Variants in SENP7 observed in about 807,000 individuals in gnomAD.
SENP7 encodes sentrin-specific protease 7.
In SENP7, 64 loss-of-function variants were observed where a neutral mutation model predicts 141.2. The observed-to-expected ratio is 0.45, with a 90% CI of 0.37 to 0.56. The LOEUF is 0.56. SENP7 is among the 20% of genes least tolerant of loss of function. The pLI is 0.00. For synonymous variants in SENP7, 382 were observed against 426.4 expected, an observed-to-expected ratio of 0.90 and a Z score of 1.28; for missense variants, 1,025 against 1,212.2, an observed-to-expected ratio of 0.85 and a Z score of 2.29.
intron 3 of SENP7, among the ~76,000 whole-genome samples, chr3:101,464,989 A>G (rs2063712383): frequency 6.6e-6 from 1 of 152,214 alleles, no homozygotes; most frequent in Non-Finnish European, 1.5e-5. Context: ...CAAAAAACTT[A>G]AAGTGGCCCA....
At position 101,423,331 on chromosome 3, in the gene SENP7, G is replaced by A. The variant is rs2061846685; in HGVS notation, c.285-5541C>T. Reference sequence around the variant, plus strand: ...CAACATCATCAGTCATCAAGGAAATGCAATTAAAACCACAAAGAGATACTG... The same window carrying A: ...CAACATCATCAGTCATCAAGGAAATACAATTAAAACCACAAAGAGATACTG... On this transcript the variant is annotated intron_variant, in intron 4 of 23. Coordinates refer to ENST00000394095, the MANE Select transcript of SENP7 (RefSeq NM_020654.5). Among the ~76,000 whole-genome samples the A allele has an allele frequency of 2.0e-5, 3 of 152,256 alleles. No individual in the cohort carries two copies. In the East Asian group the frequency reaches 5.8e-4, roughly 29 times the overall value.
intron 14 of SENP7, among the ~76,000 whole-genome samples, chr3:101,342,674 C>A (rs544167652): frequency 6.6e-6 from 1 of 151,306 alleles, no homozygotes; most frequent in South Asian, 2.1e-4. Context: ...GACCTTAGTA[C>A]CTTTTTTTTT....
chr3:101,433,954 G>A (rs764391823), intron 4 of SENP7, among the ~76,000 whole-genome samples: 3 of 141,592 alleles, frequency 2.1e-5, no homozygotes, highest in South Asian at 4.7e-4. Flanking sequence ...ACATTTATAG[G>A]CCATTTCATC....
chr3:101,512,963 G>C, intron 1 of SENP7, 128 bp downstream of exon 1: 1 of 1,010,062 alleles, frequency 9.9e-7, no homozygotes, highest in Non-Finnish European at 1.6e-6. Context: ...CATTGTGCGC[G>C]CCCCTTCCTC....
intron 4 of SENP7, among the ~76,000 whole-genome samples, chr3:101,422,015 T>C (rs34407049): frequency 0.4 from 60,691 of 151,982 alleles, 12,606 homozygotes; most frequent in Admixed American, 0.54. Context: ...CAGTCTGTGG[T>C]CTGTTAGGAA....
chr3:101,371,734 T>C (rs1041864996), intron 7 of SENP7, among the ~76,000 whole-genome samples: 2 of 151,986 alleles, frequency 1.3e-5, no homozygotes, highest in Non-Finnish European at 2.9e-5. Context: ...TAGAAACAGC[T>C]AAATGAACAT....
At chr3:101,467,896 TAACA>T (rs1048691951) in intron 3 of SENP7, among the ~76,000 whole-genome samples, 2 of 152,054 alleles carry the variant, frequency 1.3e-5, no homozygotes, top group African/African-American at 4.8e-5. Context: ...AGATCAGTAA[TAACA>T]AACTATTCCA....
At chr3:101,495,256 G>A (rs2065118465) in intron 2 of SENP7, among the ~76,000 whole-genome samples, 1 of 152,058 alleles carries the variant, frequency 6.6e-6, no homozygotes, top group Non-Finnish European at 1.5e-5. Context: ...AACAACAGAT[G>A]CTGGCAATGT....
intron 1 of SENP7, among the ~76,000 whole-genome samples, chr3:101,502,406 G>T (rs1455061560): frequency 6.6e-6 from 1 of 152,150 alleles, no homozygotes; most frequent in Admixed American, 6.5e-5. Flanking sequence ...GAGTTCAAGC[G>T]ATTCTTCTGC....
chr3:101,449,743 T>C (rs1049311743), intron 4 of SENP7, among the ~76,000 whole-genome samples: 5 of 152,062 alleles, frequency 3.3e-5, no homozygotes, highest in African/African-American at 9.7e-5. Context: ...AAGGAACAAC[T>C]GGTACCAGCC....
intron 5 of SENP7, chr3:101,414,281 G>C: frequency 2.8e-6 from 2 of 706,748 alleles, no homozygotes; most frequent in Non-Finnish European, 2.6e-6. Context: ...AGTCTGGAGA[G>C]AGAGAACATC....
intron 4 of SENP7, among the ~76,000 whole-genome samples, chr3:101,444,023 A>C (rs1490832087): frequency 6.8e-6 from 1 of 146,810 alleles, no homozygotes; most frequent in Non-Finnish European, 1.5e-5. Context: ...AGAATCTACA[A>C]TGAACTCAAA....
chr3:101,505,419 A>C (rs2108188376), intron 1 of SENP7, among the ~76,000 whole-genome samples: 1 of 152,286 alleles, frequency 6.6e-6, no homozygotes, highest in Non-Finnish European at 1.5e-5. Context: ...ATATCCCAAA[A>C]ATGTCTCACT....
At chr3:101,501,690 T>C (rs753885074) in intron 1 of SENP7, among the ~76,000 whole-genome samples, 1 of 152,212 alleles carries the variant, frequency 6.6e-6, no homozygotes, top group Non-Finnish European at 1.5e-5. Context: ...ATGTCTATTA[T>C]GTGCCTGACA....
At chr3:101,508,878 T>A (rs939936819) in intron 1 of SENP7, among the ~76,000 whole-genome samples, 2 of 152,070 alleles carry the variant, frequency 1.3e-5, no homozygotes, top group African/African-American at 4.8e-5. Context: ...ACTGCAAGAG[T>A]ACTTAATATA....
intron 2 of SENP7, among the ~76,000 whole-genome samples, chr3:101,499,724 A>G (rs2065300590): frequency 6.6e-6 from 1 of 151,900 alleles, no homozygotes; most frequent in South Asian, 2.1e-4. Context: ...TTTAGTTGAG[A>G]TGGGGTTTCA....
chr3:101,467,726 G>A (rs1202929577), intron 3 of SENP7, among the ~76,000 whole-genome samples: 8 of 152,116 alleles, frequency 5.3e-5, no homozygotes, highest in African/African-American at 1.4e-4. Context: ...AAGACCAAAG[G>A]TAGATAAAAC....
At chr3:101,475,353 T>A (rs1198118863) in intron 3 of SENP7, among the ~76,000 whole-genome samples, 2 of 152,102 alleles carry the variant, frequency 1.3e-5, no homozygotes, top group African/African-American at 2.4e-5. Flanking sequence ...TACATGTACA[T>A]CAGGGAATAC....
At chr3:101,397,997 G>A (rs2107574929) in intron 6 of SENP7, among the ~76,000 whole-genome samples, 1 of 152,250 alleles carries the variant, frequency 6.6e-6, no homozygotes, top group Admixed American at 6.5e-5. Flanking sequence ...CTTCAGATCT[G>A]CATTTCTCTT....
Sources: allele counts gnomAD v4.1 joint callset (sites outside exome capture counted in the v4.1 genomes callset), GRCh38; gene constraint gnomAD v4.1.1; transcripts MANE v1.5; gene names NCBI Gene and HGNC (gene_info 2026-07-23, HGNC 2026-07-21).